Variants in POLR2F observed in about 807,000 individuals in gnomAD.
POLR2F encodes the protein DNA-directed RNA polymerases I, II, and III subunit RPABC2.
A neutral mutation model predicts 22.7 loss-of-function variants in POLR2F; 12 were observed. The observed-to-expected ratio is 0.53, with a 90% CI of 0.34 to 0.86. POLR2F has a LOEUF of 0.86. POLR2F is among the 40% of genes least tolerant of loss of function. The pLI, the probability that POLR2F is intolerant of heterozygous loss-of-function variation, is 0.02. For missense variants in POLR2F, 126 were observed against 171.5 expected, an observed-to-expected ratio of 0.73 and a Z score of 1.48; for synonymous variants, 57 against 66.0, an observed-to-expected ratio of 0.86 and a Z score of 0.66.
In POLR2F at chr22:37,953,701, G is replaced by C; in HGVS notation, c.-87G>C. 1.3e-6 allele frequency: 2 copies of C among 1,509,366 alleles called. No individual in the cohort carries two copies. Among genetic ancestry groups the C allele is most frequent in the Non-Finnish European group, 1.8e-6 (2 of 1,115,166 alleles). 93.5% of individuals were successfully genotyped at this position (1,509,366 alleles called of 1,614,324 possible). ...GGGTTACGGCGCAGGCGCAAGATAA[G>C]CTAGGAGCCGCGCGAGTCGTAGTGT... On this transcript the variant is annotated 5_prime_UTR_variant, in exon 1 of 5. Transcript: ENST00000442738.
In POLR2F at chr22:38,019,202, G is replaced by A. The variant is rs543541062; in HGVS notation, c.121-6667G>A. Among the ~76,000 whole-genome samples, 8 of 152,200 alleles carry A rather than the reference G, an allele frequency of 5.3e-5. No individual in the cohort carries two copies. The East Asian group carries it at 1.4e-3, about 26-fold the overall frequency. On this transcript the variant is annotated intron_variant, in intron 1 of 2. Coordinates refer to the POLR2F transcript ENST00000333418. ...ACTTGACACATGTTTGGGGCACAGT[G>A]TGGCTGTGGGCGGGGTCAGAGTAGG...
exon 2 of POLR2F, chr22:38,026,135 C>A: frequency 1.9e-6 from 1 of 533,608 alleles, no homozygotes; most frequent in Non-Finnish European, 3.8e-6. Flanking sequence ...GAAGGCTGGC[C>A]TTCAGATGCC....
At chr22:38,003,320 G>C (rs1443306150) in intron 1 of POLR2F, among the ~76,000 whole-genome samples, 1 of 151,684 alleles carries the variant, frequency 6.6e-6, no homozygotes, top group Non-Finnish European at 1.5e-5. Flanking sequence ...TCCGCCTCCC[G>C]GGTTCGAGCG....
At chr22:37,962,816 C>T (rs6000963) in intron 3 of POLR2F, among the ~76,000 whole-genome samples, 9 of 151,394 alleles carry the variant, frequency 5.9e-5, no homozygotes, top group Non-Finnish European at 1.3e-4. Flanking sequence ...TCAGCCTTCC[C>T]AGTAGCTGGG....
chr22:38,027,092 G>C (rs184682828), downstream of POLR2F, among the ~76,000 whole-genome samples: 81 of 152,352 alleles, frequency 5.3e-4, no homozygotes, highest in African/African-American at 1.9e-3. Flanking sequence ...GGACTGTGCA[G>C]TGTGTCGTGG....
At chr22:38,034,187 C>T (rs1200616421) in intron 5 of POLR2F, 1 of 169,502 alleles carries the variant, frequency 5.9e-6, no homozygotes, top group African/African-American at 2.4e-5. Context: ...TCCCCCAGCT[C>T]CTTGGGCCTG....
At chr22:37,977,949 G>A in intron 4 of POLR2F, 1 of 1,612,660 alleles carries the variant, frequency 6.2e-7, no homozygotes, top group East Asian at 2.2e-5. Flanking sequence ...TCTTGTAGTG[G>A]GCCTGGATGG....
At chr22:38,015,437 C>T (rs749428522) in intron 1 of POLR2F, among the ~76,000 whole-genome samples, 4 of 152,064 alleles carry the variant, frequency 2.6e-5, no homozygotes, top group Non-Finnish European at 4.4e-5. Flanking sequence ...TAACTGGACT[C>T]GATGTGATCT....
intron 5 of POLR2F, chr22:38,034,343 G>A (rs1400335166): frequency 6.4e-6 from 1 of 156,542 alleles, no homozygotes; most frequent in Admixed American, 6.5e-5. Context: ...TGTCACAGAG[G>A]AGTGGGGTCA....
chr22:37,995,608 C>T (rs1253406967), intron 1 of POLR2F, among the ~76,000 whole-genome samples: 2 of 152,144 alleles, frequency 1.3e-5, no homozygotes, highest in African/African-American at 4.8e-5. Flanking sequence ...ATGAGGGCAG[C>T]TTCCTAAGTC....
intron 5 of POLR2F, among the ~76,000 whole-genome samples, chr22:38,033,333 G>A (rs540978366): frequency 6.6e-6 from 1 of 152,338 alleles, no homozygotes; most frequent in African/African-American, 2.4e-5. Flanking sequence ...GAGACCTACA[G>A]AGAGAAAGCG....
At chr22:38,010,093 G>T (rs1212230919) in intron 1 of POLR2F, among the ~76,000 whole-genome samples, 1 of 152,216 alleles carries the variant, frequency 6.6e-6, no homozygotes, top group Non-Finnish European at 1.5e-5. Flanking sequence ...AAATGATCAA[G>T]TCTGGGCGTG....
In POLR2F at chr22:37,986,359, G is replaced by A. The variant is rs1932578688; in HGVS notation, c.120+47G>A. ...CACCCCTCAGTTCCTCCTCTTTGAG[G>A]AAAGGACCTCCCCGCTCTCTGCTGT... On this transcript the variant is annotated intron_variant, in intron 1 of 2. Transcript: ENST00000333418. The surrounding 1 kb of genome is among the most constrained non-coding windows in gnomAD (Gnocchi z 4.7). The A allele has an allele frequency of 1.3e-6, 2 of 1,528,674 alleles. No homozygotes were observed. The highest frequency in any genetic ancestry group is 8.8e-7 in the Non-Finnish European group (1 of 1,142,540). 94.7% of individuals were successfully genotyped at this position (1,528,674 alleles called of 1,614,324 possible).
At chr22:38,007,342 T>C (rs1050135624) in intron 1 of POLR2F, among the ~76,000 whole-genome samples, 10 of 152,122 alleles carry the variant, frequency 6.6e-5, no homozygotes, top group Admixed American at 3.9e-4. Flanking sequence ...CCTGAGGGGC[T>C]CACAGGGCAT....
At chr22:37,967,456 T>C in intron 4 of POLR2F, 169 bp from the exon 5 acceptor site, 2 of 1,437,196 alleles carry the variant, frequency 1.4e-6, no homozygotes, top group Non-Finnish European at 1.8e-6. Flanking sequence ...TTGTCTGATA[T>C]AAAAACTTTC....
upstream of POLR2F, among the ~76,000 whole-genome samples, chr22:37,981,930 C>A (rs553330001): frequency 6.6e-6 from 1 of 152,274 alleles, no homozygotes; most frequent in South Asian, 2.1e-4. Flanking sequence ...AAACACATGG[C>A]AAGAACAGGC....
intron 5 of POLR2F, among the ~76,000 whole-genome samples, chr22:38,037,804 G>T (rs2085131198): frequency 6.6e-6 from 1 of 152,112 alleles, no homozygotes; most frequent in Non-Finnish European, 1.5e-5. Flanking sequence ...CGTTGGCCAG[G>T]ATAGTCTTGA....
At chr22:37,972,580 C>G (rs1358568395), downstream of POLR2F, 1 of 231,348 alleles carries the variant, frequency 4.3e-6, no homozygotes, top group Non-Finnish European at 8.7e-6. Flanking sequence ...AACCTGGGTG[C>G]TGGGCCCTGT....
At chr22:38,011,663 T>C (rs1463364716) in intron 1 of POLR2F, among the ~76,000 whole-genome samples, 2 of 152,184 alleles carry the variant, frequency 1.3e-5, no homozygotes, top group Non-Finnish European at 2.9e-5. Flanking sequence ...ATTATAGGCT[T>C]GTAAATCTTG....
Sources: allele counts gnomAD v4.1 joint callset (sites outside exome capture counted in the v4.1 genomes callset), GRCh38; gene constraint gnomAD v4.1.1; non-coding constraint Gnocchi (gnomAD v3.1); transcripts MANE v1.5; gene names NCBI Gene and HGNC (gene_info 2026-07-23, HGNC 2026-07-21).